The following LARP4 variants were observed in gnomAD, a reference collection of about 807,000 sequenced individuals.
LARP4 encodes La ribonucleoprotein 4.
Under a neutral mutation model 92.9 loss-of-function variants are expected in LARP4, and 29 were observed. The observed-to-expected ratio is 0.31, with a 90% CI of 0.23 to 0.43. LARP4 has a LOEUF of 0.43. LARP4 is among the 20% of genes least tolerant of loss of function. The probability of loss-of-function intolerance (pLI) is 1.00; values close to 1 mark genes in which losing one functional copy is unlikely to be tolerated. For synonymous variants in LARP4, 279 were observed against 284.1 expected, an observed-to-expected ratio of 0.98 and a Z score of 0.18; for missense variants, 732 against 860.0, an observed-to-expected ratio of 0.85 and a Z score of 1.86.
intron 5 of LARP4, among the ~76,000 whole-genome samples, chr12:50,437,075 A>G (rs920997882): frequency 6.6e-6 from 1 of 152,232 alleles, no homozygotes; most frequent in African/African-American, 2.4e-5. Context: ...TACCTATGCC[A>G]TCACACTTAA....
chr12:50,443,060 G>A (rs916216155), intron 8 of LARP4, among the ~76,000 whole-genome samples: 4 of 152,100 alleles, frequency 2.6e-5, no homozygotes, highest in Admixed American at 1.3e-4. Flanking sequence ...TCAGAAGTGG[G>A]TCTTTGGTAT....
chr12:50,430,989 C>G (rs543557133), intron 4 of LARP4, among the ~76,000 whole-genome samples: 1 of 151,930 alleles, frequency 6.6e-6, no homozygotes, highest in Non-Finnish European at 1.5e-5. Context: ...AGTGTAGGGT[C>G]GGGCGCTGTG....
intron 10 of LARP4, among the ~76,000 whole-genome samples, chr12:50,457,017 A>G (rs993602256): frequency 3.3e-5 from 5 of 152,030 alleles, no homozygotes; most frequent in Admixed American, 1.3e-4. Context: ...AGTTCAAGCA[A>G]TTCTCTGGCC....
At position 50,477,933 on chromosome 12, in the gene LARP4, TTGAA is replaced by T. The variant is rs1405783118; in HGVS notation, c.*2072_*2075del. 1.3e-5 allele frequency: 2 copies of T among 152,568 alleles called. No homozygotes were observed. Among genetic ancestry groups the T allele is most frequent in the Non-Finnish European group, 2.9e-5 (2 of 67,968 alleles). The allele number at this position is 152,568 out of a possible 1,614,324, so 9.5% of individuals were successfully genotyped here. A position where few individuals can be genotyped will look rare whatever the true frequency, so the allele number is the denominator to read the frequency against. On this transcript the variant is annotated 3_prime_UTR_variant, in exon 16 of 16. Transcript: ENST00000398473. Reference sequence around the variant, plus strand: ...TAAACGTTTTAAGTGTTAACATCCTTTGAATGCGTTGGATTTCAGAGAATAAACA... The same window carrying T: ...TAAACGTTTTAAGTGTTAACATCCTTTGCGTTGGATTTCAGAGAATAAACA...
chr12:50,433,445 C>T (rs752699971), intron 4 of LARP4, among the ~76,000 whole-genome samples: 1 of 151,942 alleles, frequency 6.6e-6, no homozygotes, highest in Non-Finnish European at 1.5e-5. Flanking sequence ...AGGTATTACT[C>T]ATGAATAATC....
intron 4 of LARP4, among the ~76,000 whole-genome samples, chr12:50,430,805 C>T (rs1307004362): frequency 6.6e-6 from 1 of 151,704 alleles, no homozygotes; most frequent in South Asian, 2.1e-4. Context: ...GGATTACAGG[C>T]GTGCAGCCAC....
At chr12:50,430,752 C>G (rs921526297) in intron 4 of LARP4, among the ~76,000 whole-genome samples, 182 bp downstream of exon 4, 1 of 151,386 alleles carries the variant, frequency 6.6e-6, no homozygotes, top group East Asian at 2.0e-4. Flanking sequence ...CCTCCGCCTC[C>G]AGGGTTCAAG....
chr12:50,408,339 C>T (rs1397702631), intron 1 of LARP4, among the ~76,000 whole-genome samples: 2 of 151,798 alleles, frequency 1.3e-5, no homozygotes, highest in East Asian at 3.9e-4. Flanking sequence ...GCTGGGATTA[C>T]AAGCATGCAC....
At chr12:50,406,142 G>A (rs947923488) in intron 1 of LARP4, among the ~76,000 whole-genome samples, 4 of 152,040 alleles carry the variant, frequency 2.6e-5, no homozygotes, top group African/African-American at 4.8e-5. Flanking sequence ...AGTTTCATAC[G>A]ACCTAGGACG....
chr12:50,405,858 C>T (rs979362570), intron 1 of LARP4, among the ~76,000 whole-genome samples: 1 of 152,006 alleles, frequency 6.6e-6, no homozygotes, highest in Non-Finnish European at 1.5e-5. Context: ...ATAGTATTTG[C>T]GTAGCACCTA....
chr12:50,441,532 A>G (rs963330771), intron 7 of LARP4, 58 bp from the exon 8 acceptor site: 37 of 1,239,874 alleles, frequency 3.0e-5, no homozygotes, highest in Non-Finnish European at 4.3e-5. Context: ...CATAATAAAG[A>G]TAACTTTACT....
intron 1 of LARP4, 86 bp from the exon 2 acceptor site, chr12:50,427,676 A>T: frequency 1.3e-6 from 1 of 772,206 alleles, no homozygotes; most frequent in Non-Finnish European, 1.9e-6. Context: ...CCCCACTTTT[A>T]AGTAATGGAA....
At chr12:50,443,800 A>T (rs1167777754) in intron 8 of LARP4, among the ~76,000 whole-genome samples, 1 of 151,746 alleles carries the variant, frequency 6.6e-6, no homozygotes, top group Non-Finnish European at 1.5e-5. Flanking sequence ...TTTAGTAGAG[A>T]CGGGGTTTTG....
intron 1 of LARP4, among the ~76,000 whole-genome samples, chr12:50,409,802 A>G (rs1206144913): frequency 1.3e-5 from 2 of 150,448 alleles, no homozygotes; most frequent in Non-Finnish European, 3.0e-5. Flanking sequence ...TATTATTATT[A>G]TTATTATTTT....
chr12:50,473,558 A>C (rs756607651), intron 14 of LARP4, 22 bp downstream of exon 14: 2 of 1,600,988 alleles, frequency 1.2e-6, no homozygotes, highest in Non-Finnish European at 1.7e-6. Context: ...AGTATAGAAG[A>C]TCTTCAACAT....
chr12:50,473,368 T>C, intron 13 of LARP4, 47 bp from the exon 14 acceptor site: 3 of 1,461,776 alleles, frequency 2.1e-6, no homozygotes, highest in South Asian at 1.2e-5. Context: ...TATATCTTCT[T>C]TGGAAAAAGG....
At chr12:50,467,566 G>T (rs1377634432) in intron 13 of LARP4, among the ~76,000 whole-genome samples, 4 of 152,108 alleles carry the variant, frequency 2.6e-5, no homozygotes, top group Non-Finnish European at 5.9e-5. Flanking sequence ...GCCTCCCAAA[G>T]TGCTGGGATT....
At chr12:50,405,655 T>C (rs577234162) in intron 1 of LARP4, among the ~76,000 whole-genome samples, 76 of 152,092 alleles carry the variant, frequency 5.0e-4, no homozygotes, top group Non-Finnish European at 9.1e-4. Flanking sequence ...AAATTTTTGT[T>C]TAAATAAAAA....
intron 1 of LARP4, among the ~76,000 whole-genome samples, chr12:50,412,759 A>T (rs1011745287): frequency 1.3e-5 from 2 of 152,170 alleles, no homozygotes; most frequent in Non-Finnish European, 2.9e-5. Flanking sequence ...CTTTTTGTTG[A>T]GTATCTATGT....
Sources: gnomAD v4.1 joint callset for allele counts (sites outside exome capture counted in the v4.1 genomes callset) on GRCh38, gnomAD v4.1.1 for gene constraint, MANE v1.5 for transcripts, NCBI Gene and HGNC (gene_info 2026-07-23, HGNC 2026-07-21) for gene names.